The following CCDC30 variants were observed in gnomAD, a reference collection of about 807,000 sequenced individuals.
The protein encoded by CCDC30 is coiled-coil domain containing 30, also known as coiled-coil domain-containing protein 30.
In CCDC30, 70 loss-of-function variants were observed where a neutral mutation model predicts 100.2. The ratio of observed to expected loss-of-function variants is 0.70; its 90% confidence interval spans 0.58 to 0.85. The LOEUF is 0.85. CCDC30 is among the 40% of genes least tolerant of loss of function. The pLI is 0.00. For synonymous variants in CCDC30, 233 were observed against 269.5 expected (o/e 0.86, Z 1.33); for missense variants, 652 against 771.2 (o/e 0.85, Z 1.83).
intron 15 of CCDC30, among the ~76,000 whole-genome samples, 177 bp downstream of exon 19, chr1:42,646,494 C>T (rs1647893670): frequency 1.3e-5 from 2 of 152,196 alleles, no homozygotes; most frequent in Admixed American, 1.3e-4. Context: ...TTGTCTTAAC[C>T]CACAGGTAGT....
At chr1:42,604,172 C>T (rs1646460304) in intron 10 of CCDC30, among the ~76,000 whole-genome samples, 1 of 152,126 alleles carries the variant, frequency 6.6e-6, no homozygotes, top group African/African-American at 2.4e-5. Flanking sequence ...TGTGACTGCA[C>T]CACTGCACCC....
intron 6 of CCDC30, among the ~76,000 whole-genome samples, chr1:42,551,682 C>A (rs1014278612): frequency 1.3e-5 from 2 of 151,592 alleles, no homozygotes; most frequent in Non-Finnish European, 2.9e-5. Context: ...ATCTGTTCAG[C>A]CTTCCTTTGG....
At position 42,589,481 on chromosome 1, in the gene CCDC30, G is replaced by A. The variant is rs1646141541; in HGVS notation, c.1162G>A (p.Glu388Lys). Residue 388 changes from glutamate (E) to lysine (K), a missense_variant and splice_region_variant, in exon 10 of 17, where the codon GAG becomes AAG. By Grantham distance (56) the Glu-to-Lys change is moderately conservative. Coordinates refer to ENST00000668663, the Ensembl canonical transcript of CCDC30. ...GGAAAATGAAAAAAGAAAATATGAT[G>A]AGGTAAGAAAGTAAATAGACATGCT... The A allele has an allele frequency of 5.0e-6, 8 of 1,612,222 alleles. No homozygotes were observed. Among genetic ancestry groups the A allele is most frequent in the Admixed American group, 1.7e-5 (1 of 59,840 alleles).
exon 17 of CCDC30, chr1:42,654,144 G>A (rs1570366692): frequency 1.4e-6 from 1 of 700,918 alleles, no homozygotes. Context: ...TCACCCAAGA[G>A]TCTTCAAAAC....
At chr1:42,556,742 A>T (rs1645378685) in intron 6 of CCDC30, among the ~76,000 whole-genome samples, 1 of 152,200 alleles carries the variant, frequency 6.6e-6, no homozygotes, top group Non-Finnish European at 1.5e-5. Flanking sequence ...ATCTGAACTA[A>T]GTCCATCAGT....
chr1:42,460,938 T>C (rs1371877908), upstream of CCDC30, among the ~76,000 whole-genome samples: 23 of 152,258 alleles, frequency 1.5e-4, no homozygotes. Context: ...CCCTGCTTAA[T>C]CTTTGAATCC....
At chr1:42,577,276 C>T in intron 8 of CCDC30, 47 bp downstream of exon 12, 1 of 1,196,428 alleles carries the variant, frequency 8.4e-7, no homozygotes, top group Non-Finnish European at 1.2e-6. Flanking sequence ...AATACCACTA[C>T]TGAAATCTTA....
At chr1:42,592,433 G>A (rs1646204676) in intron 10 of CCDC30, 1 of 152,190 alleles carries the variant, frequency 6.6e-6, no homozygotes, top group African/African-American at 2.4e-5. Flanking sequence ...GCCAGGCATG[G>A]TAGCTCATGC....
chr1:42,646,388 A>G, intron 15 of CCDC30, 71 bp downstream of exon 19: 1 of 1,324,122 alleles, frequency 7.6e-7, no homozygotes, highest in South Asian at 2.5e-5. Context: ...TGTTTGGAAA[A>G]TCTCTCAACT....
At chr1:42,473,275 T>C (rs1278281196) in intron 1 of CCDC30, 2 of 1,231,362 alleles carry the variant, frequency 1.6e-6, no homozygotes, top group Middle Eastern at 3.1e-4. Context: ...GAAGAGCTTA[T>C]AGTGAAGCAC....
chr1:42,625,479 G>T (rs954156676), intron 11 of CCDC30, among the ~76,000 whole-genome samples: 1 of 150,186 alleles, frequency 6.7e-6, no homozygotes, highest in African/African-American at 2.4e-5. Context: ...TTATTTGCAG[G>T]TTTTTTTTTA....
chr1:42,607,092 A>C (rs1009177860), intron 10 of CCDC30, among the ~76,000 whole-genome samples: 7 of 152,216 alleles, frequency 4.6e-5, no homozygotes, highest in African/African-American at 1.7e-4. Flanking sequence ...AACCAAAAGG[A>C]AAGTGAAGAA....
chr1:42,648,084 G>T lies in CCDC30; in HGVS notation c.1854+1767G>T, dbSNP rs1207907637. 4.6e-5 allele frequency among the ~76,000 whole-genome samples: 7 copies of T among 152,048 alleles called. No homozygotes were observed. The South Asian group carries it at 6.2e-4, about 14-fold the overall frequency. On this transcript the variant is annotated intron_variant, in intron 15 of 16. Coordinates refer to ENST00000668663, the Ensembl canonical transcript of CCDC30. ...GCCTCCTGAGTAGCTGGGATTACAG[G>T]CATGTGCCACCATGCCTGGCTAATT...
intron 10 of CCDC30, among the ~76,000 whole-genome samples, chr1:42,602,983 A>G (rs1646433878): frequency 6.6e-6 from 1 of 152,252 alleles, no homozygotes; most frequent in Non-Finnish European, 1.5e-5. Context: ...TTGAAAATAA[A>G]TTATGTAACT....
chr1:42,476,350 A>G (rs962635751), intron 1 of CCDC30, among the ~76,000 whole-genome samples: 3 of 152,196 alleles, frequency 2.0e-5, no homozygotes, highest in Non-Finnish European at 2.9e-5. Flanking sequence ...AGAAAATATT[A>G]AGTACTTCAA....
chr1:42,603,632 T>C (rs1004928205), intron 10 of CCDC30, among the ~76,000 whole-genome samples: 3 of 152,238 alleles, frequency 2.0e-5, no homozygotes, highest in African/African-American at 7.2e-5. Flanking sequence ...CACCAAATGC[T>C]GGCAAGCATA....
At chr1:42,500,897 T>A in intron 6 of CCDC30, among the ~76,000 whole-genome samples, 1 of 152,114 alleles carries the variant, frequency 6.6e-6, no homozygotes, top group African/African-American at 2.4e-5. Context: ...TGGCCAAGAG[T>A]TCTTTATATA....
chr1:42,567,700 T>C (rs1326403729), intron 7 of CCDC30, among the ~76,000 whole-genome samples: 3 of 145,362 alleles, frequency 2.1e-5, no homozygotes, highest in Admixed American at 2.0e-4. Context: ...TCTTTCACTT[T>C]CCCTTCAAGG....
intron 6 of CCDC30, among the ~76,000 whole-genome samples, chr1:42,528,167 C>T (rs970121651): frequency 2.0e-5 from 3 of 152,090 alleles, no homozygotes; most frequent in Non-Finnish European, 4.4e-5. Flanking sequence ...AGCCCGGCCT[C>T]CTCTACCTTT....
Sources: gnomAD v4.1 joint callset for allele counts (sites outside exome capture counted in the v4.1 genomes callset) on GRCh38, gnomAD v4.1.1 for gene constraint, MANE v1.5 for transcripts, NCBI Gene and HGNC (gene_info 2026-07-23, HGNC 2026-07-21) for gene names.